KIF6: variants seen among roughly 807,000 people sequenced by gnomAD.
The protein encoded by KIF6 is kinesin family member 6.
A neutral mutation model predicts 112.7 loss-of-function variants in KIF6; 106 were observed. The ratio of observed to expected loss-of-function variants is 0.94; its 90% CI spans 0.80 to 1.11. The LOEUF is 1.11. Among genes scored for constraint, KIF6 ranks in the 50% least tolerant of loss-of-function variants. The pLI is 0.00. For missense variants in KIF6, 929 were observed against 964.0 expected (o/e 0.96, Z 0.48); for synonymous variants, 339 against 339.9 (o/e 1.00, Z 0.03).
intron 6 of KIF6, among the ~76,000 whole-genome samples, chr6:39,600,057 C>G (rs1194161368): frequency 1.3e-5 from 2 of 152,092 alleles, no homozygotes; most frequent in African/African-American, 4.8e-5. Flanking sequence ...TTATGTGGAG[C>G]TTTTTAAGTG....
intron 13 of KIF6, among the ~76,000 whole-genome samples, chr6:39,446,508 T>C (rs1772326883): frequency 6.6e-6 from 1 of 152,058 alleles, no homozygotes; most frequent in Non-Finnish European, 1.5e-5. Flanking sequence ...TTTTTCTTTT[T>C]TTTAGATGGA....
rs1767225959 is a variant in KIF6, at chr6:39,384,372, GT to G, written c.1861+1249del. On this transcript the variant is annotated intron_variant, in intron 16 of 22. Transcript: ENST00000287152. ...TGCCTTCCCAAGCCTGGCCCAAGGAGTTAGGGCCCTGGGGCAGCCTGGCTCT... is the reference window on the plus strand; with the variant it reads ...TGCCTTCCCAAGCCTGGCCCAAGGAGTAGGGCCCTGGGGCAGCCTGGCTCT... 2.0e-5 allele frequency among the ~76,000 whole-genome samples: 3 copies of G among 152,206 alleles called. No individual in the cohort carries two copies. In the South Asian group the frequency reaches 6.2e-4, roughly 31 times the overall value.
chr6:39,534,321 T>A (rs1342401721), intron 13 of KIF6, among the ~76,000 whole-genome samples: 1 of 152,064 alleles, frequency 6.6e-6, no homozygotes, highest in Non-Finnish European at 1.5e-5. Flanking sequence ...TGAAAAAAAT[T>A]TAGAAGAATG....
chr6:39,649,326 CA>C (rs1321530156), intron 3 of KIF6, among the ~76,000 whole-genome samples: 1 of 152,132 alleles, frequency 6.6e-6, no homozygotes, highest in African/African-American at 2.4e-5. Context: ...ACCAAATCAT[CA>C]ATCATTTTGG....
chr6:39,660,166 C>A (rs2150809920), intron 3 of KIF6, among the ~76,000 whole-genome samples: 1 of 152,118 alleles, frequency 6.6e-6, no homozygotes, highest in African/African-American at 2.4e-5. Context: ...TTAAAAATTT[C>A]CAATAAAAAA....
chr6:39,596,666 C>T (rs549362102), intron 6 of KIF6, among the ~76,000 whole-genome samples: 16 of 152,182 alleles, frequency 1.1e-4, no homozygotes, highest in Middle Eastern at 6.8e-3. Context: ...TAAACAAAAG[C>T]CACAGACAAA....
At chr6:39,500,101 C>T (rs1776033889) in intron 13 of KIF6, among the ~76,000 whole-genome samples, 1 of 152,008 alleles carries the variant, frequency 6.6e-6, no homozygotes, top group Non-Finnish European at 1.5e-5. Context: ...ACAGATGGGG[C>T]TAGAGAAAGG....
At chr6:39,673,515 C>T (rs1786961064) in intron 3 of KIF6, among the ~76,000 whole-genome samples, 1 of 152,138 alleles carries the variant, frequency 6.6e-6, no homozygotes, top group Non-Finnish European at 1.5e-5. Flanking sequence ...TATTTTACAT[C>T]ACTAAAAAGT....
At chr6:39,532,296 A>C (rs1403602740) in intron 13 of KIF6, among the ~76,000 whole-genome samples, 1 of 152,200 alleles carries the variant, frequency 6.6e-6, no homozygotes, top group Non-Finnish European at 1.5e-5. Flanking sequence ...GAGAACTAGA[A>C]TAGTACCTGA....
intron 9 of KIF6, among the ~76,000 whole-genome samples, chr6:39,584,417 T>TAAAAAAAAAAAAA (rs61215070): frequency 2.2e-5 from 1 of 46,058 alleles, no homozygotes; most frequent in Non-Finnish European, 6.2e-5. Flanking sequence ...ACTCTGTCTC[T>TAAAAAAAAAAAAA]AAAAAAAAAA....
intron 18 of KIF6, among the ~76,000 whole-genome samples, chr6:39,358,443 T>C (rs377078110): frequency 2.6e-4 from 39 of 152,340 alleles, no homozygotes; most frequent in African/African-American, 9.4e-4. Context: ...TTTGTTTCAG[T>C]GACATCCTGT....
Position 39,639,741 on chromosome 6 carries a change from T to C in KIF6, c.268A>G (p.Asn90Asp). 1 of 1,611,628 alleles carries C rather than the reference T, an allele frequency of 6.2e-7. No individual in the cohort carries two copies. The highest frequency in any genetic ancestry group is 1.1e-5 in the South Asian group (1 of 90,718). ...TGCCCATATGCAAAGATGGTACCAT[T>C]GTAACCTGCCAGGACACTGCAATAA... ...PVAGSVLAGY[N>D]GTIFAYGQTG... The change falls in exon 4 of 23, where the codon AAT becomes GAT. Residue 90 changes from asparagine (N) to aspartate (D), a missense_variant. This residue lies in a region of KIF6 where 688 missense variants were observed against 662.7 expected (regional missense o/e 1.04). Transcript: ENST00000287152.
chr6:39,341,464 G>A (rs1361053549), intron 22 of KIF6, among the ~76,000 whole-genome samples: 2 of 152,158 alleles, frequency 1.3e-5, no homozygotes, highest in Admixed American at 1.3e-4. Context: ...ACCCCAGGGG[G>A]CTGTTCTCAG....
At chr6:39,522,265 G>A (rs1011979984) in intron 13 of KIF6, among the ~76,000 whole-genome samples, 3 of 152,062 alleles carry the variant, frequency 2.0e-5, no homozygotes, top group Non-Finnish European at 4.4e-5. Flanking sequence ...CTATTCCTCC[G>A]TTGAGATTTG....
chr6:39,441,646 A>G (rs982868257), intron 13 of KIF6, among the ~76,000 whole-genome samples: 1 of 152,158 alleles, frequency 6.6e-6, no homozygotes, highest in Non-Finnish European at 1.5e-5. Context: ...AGGGGAAGAA[A>G]AAAAGCCACG....
At chr6:39,495,840 G>A (rs1167876049) in intron 13 of KIF6, among the ~76,000 whole-genome samples, 2 of 152,116 alleles carry the variant, frequency 1.3e-5, no homozygotes, top group African/African-American at 4.8e-5. Context: ...GATGGGGGAG[G>A]GGATGGAGGA....
chr6:39,399,808 C>A (rs1473167956), intron 15 of KIF6, among the ~76,000 whole-genome samples: 2 of 152,232 alleles, frequency 1.3e-5, no homozygotes, highest in East Asian at 3.8e-4. Context: ...AGAAGCATTT[C>A]TTTTAAGCTT....
At chr6:39,699,707 T>C (rs1045312774) in intron 3 of KIF6, among the ~76,000 whole-genome samples, 2 of 152,104 alleles carry the variant, frequency 1.3e-5, no homozygotes. Context: ...ATTTGTAATA[T>C]AGGGATAACA....
chr6:39,677,123 T>C (rs1457482421), intron 3 of KIF6, among the ~76,000 whole-genome samples: 2 of 152,086 alleles, frequency 1.3e-5, no homozygotes, highest in Non-Finnish European at 2.9e-5. Flanking sequence ...TTTGCTGGTG[T>C]TATATAATAT....
Sources: allele counts gnomAD v4.1 joint callset (sites outside exome capture counted in the v4.1 genomes callset), GRCh38; gene constraint gnomAD v4.1.1; regional missense constraint gnomAD v4.1.1; transcripts MANE v1.5; gene names NCBI Gene and HGNC (gene_info 2026-07-23, HGNC 2026-07-21).